The following UGT1A6 variants were observed in gnomAD, a reference collection of about 807,000 sequenced individuals.
UGT1A6 encodes the protein UDP glucuronosyltransferase family 1 member A6.
Under a neutral mutation model 44.4 loss-of-function variants are expected in UGT1A6, and 32 were observed. The observed-to-expected ratio is 0.72, with a 90% confidence interval of 0.54 to 0.97. The LOEUF is 0.97. UGT1A6 is among the 50% of genes least tolerant of loss of function. The pLI is 0.00. For synonymous variants in UGT1A6, 238 were observed against 248.5 expected (o/e 0.96, Z 0.40); for missense variants, 685 against 661.9 (o/e 1.03, Z -0.38).
chr2:233,772,410 C>A lies in UGT1A6; in HGVS notation c.1450C>A (p.Gln484Lys). ...CGCAGCCCACGACCTCACCTGGTAC[C>A]AGTACCATTCCTTGGACGTGATTGG... Reference protein sequence around the residue: ...RPAAHDLTWYQYHSLDVIGFL... With the variant: ...RPAAHDLTWYKYHSLDVIGFL... Residue 484 changes from glutamine to lysine, a missense_variant, in exon 5 of 5, where the codon CAG becomes AAG. Coordinates refer to ENST00000305139, the MANE Select transcript of UGT1A6 (RefSeq NM_001072.4). 1 of 1,614,220 alleles carries A rather than the reference C, an allele frequency of 6.2e-7. No homozygotes were observed. The highest frequency in any genetic ancestry group is 8.5e-7 in the Non-Finnish European group (1 of 1,180,040).
chr2:233,713,112 T>A, intron 1 of UGT1A6: 3 of 1,614,212 alleles, frequency 1.9e-6, no homozygotes, highest in Non-Finnish European at 2.5e-6. Flanking sequence ...TGGCAGCCAC[T>A]GGCTCAGCAT....
chr2:233,735,210 C>T (rs1481104383), intron 1 of UGT1A6, among the ~76,000 whole-genome samples: 2 of 152,078 alleles, frequency 1.3e-5, no homozygotes, highest in Non-Finnish European at 2.9e-5. Context: ...GTATTGGGTG[C>T]ATATATATTT....
At chr2:233,763,105 T>C (rs1443643010) in intron 1 of UGT1A6, among the ~76,000 whole-genome samples, 1 of 152,254 alleles carries the variant, frequency 6.6e-6, no homozygotes, top group Non-Finnish European at 1.5e-5. Context: ...GGCACCGAAC[T>C]TTATCAGCTG....
intron 1 of UGT1A6, among the ~76,000 whole-genome samples, chr2:233,765,992 C>T (rs1575816962): frequency 6.6e-6 from 1 of 152,236 alleles, no homozygotes; most frequent in Middle Eastern, 3.4e-3. Context: ...CCTGAAGCTC[C>T]AGTGGGCGTG....
intron 1 of UGT1A6, among the ~76,000 whole-genome samples, chr2:233,728,342 G>T (rs1241528398): frequency 6.6e-6 from 1 of 152,290 alleles, no homozygotes; most frequent in African/African-American, 2.4e-5. Context: ...CCAGTCCCTT[G>T]GTGAGCAGGA....
intron 1 of UGT1A6, among the ~76,000 whole-genome samples, chr2:233,737,949 C>A (rs965025739): frequency 6.6e-6 from 1 of 151,968 alleles, no homozygotes; most frequent in African/African-American, 2.4e-5. Context: ...GACTGTTTCC[C>A]AACATGAGGT....
chr2:233,705,347 A>G (rs1229673508), intron 1 of UGT1A6, among the ~76,000 whole-genome samples: 4 of 152,194 alleles, frequency 2.6e-5, no homozygotes, highest in African/African-American at 9.6e-5. Flanking sequence ...TTTTTGTCTT[A>G]TTACATGGGG....
intron 1 of UGT1A6, chr2:233,754,896 C>G: frequency 7.4e-7 from 1 of 1,350,638 alleles, no homozygotes; most frequent in Non-Finnish European, 9.9e-7. Flanking sequence ...GTTCCTCTGA[C>G]CCCCCAAAAT....
chr2:233,729,355 C>T (rs144116440), intron 1 of UGT1A6: 167 of 1,614,046 alleles, frequency 1.0e-4, no homozygotes, highest in Non-Finnish European at 4.3e-5. Context: ...CTTTTTCACC[C>T]TGACAACCTA....
chr2:233,760,680 G>A, intron 1 of UGT1A6: 1 of 1,614,136 alleles, frequency 6.2e-7, no homozygotes, highest in Non-Finnish European at 8.5e-7. Flanking sequence ...CCCACTTACT[G>A]CACAACAAGG....
intron 1 of UGT1A6, chr2:233,761,265 G>A (rs1265780323): frequency 1.3e-6 from 2 of 1,595,780 alleles, no homozygotes; most frequent in Non-Finnish European, 8.6e-7. Flanking sequence ...AATTTAAAAT[G>A]CCCTCTTTTG....
At chr2:233,755,921 AT>A (rs1696067229) in intron 1 of UGT1A6, 1 of 146,266 alleles carries the variant, frequency 6.8e-6, no homozygotes, top group Non-Finnish European at 1.5e-5. Context: ...GAAGAGTGGC[AT>A]CGTTTTACAG....
rs146693320 is a variant in UGT1A6 at position 233,769,441 on chromosome 2, G to A, written c.1301+1002G>A. On this transcript the variant is annotated intron_variant, in intron 4 of 4. Transcript: ENST00000305139. The surrounding 1 kb of genome is among the most constrained non-coding windows in gnomAD (Gnocchi z 4.4). The stretch of plus-strand genomic sequence containing the variant: ...TGCATGTGGCTGTGCTCATGTGTGG[G>A]TGCACACGTGTGCATTCATATGCGT... 108 of 1,546,728 alleles carry A rather than the reference G, an allele frequency of 7.0e-5. No individual in the cohort carries two copies. Among genetic ancestry groups the A allele is most frequent in the Non-Finnish European group, 9.1e-5 (102 of 1,123,582 alleles).
At chr2:233,740,343 G>A (rs1691372843) in intron 1 of UGT1A6, among the ~76,000 whole-genome samples, 1 of 151,960 alleles carries the variant, frequency 6.6e-6, no homozygotes, top group African/African-American at 2.4e-5. Flanking sequence ...AAGTTGATGA[G>A]AAAGTGGAAT....
At chr2:233,708,287 G>A (rs2076011328) in intron 1 of UGT1A6, among the ~76,000 whole-genome samples, 1 of 152,124 alleles carries the variant, frequency 6.6e-6, no homozygotes, top group African/African-American at 2.4e-5. Flanking sequence ...ATCATCAAAT[G>A]CTTTCAGTTT....
chr2:233,705,256 A>G (rs995446816), intron 1 of UGT1A6, among the ~76,000 whole-genome samples: 2 of 152,108 alleles, frequency 1.3e-5, no homozygotes, highest in Non-Finnish European at 2.9e-5. Flanking sequence ...AGATTATTCT[A>G]TGGGGTCACT....
At chr2:233,754,500 G>A (rs945598675) in intron 1 of UGT1A6, 52 of 356,130 alleles carry the variant, frequency 1.5e-4, no homozygotes, top group Admixed American at 3.0e-4. Flanking sequence ...AAAAAAGTCC[G>A]CTATTCCTCC....
chr2:233,729,743 C>T (rs748913597), intron 1 of UGT1A6: 1 of 1,613,994 alleles, frequency 6.2e-7, no homozygotes, highest in Non-Finnish European at 8.5e-7. Context: ...GACCACATGA[C>T]ATTCATGCAA....
At chr2:233,724,549 A>G (rs2077280351) in intron 1 of UGT1A6, among the ~76,000 whole-genome samples, 1 of 120,476 alleles carries the variant, frequency 8.3e-6, no homozygotes, top group Non-Finnish European at 1.7e-5. Flanking sequence ...GGCGCTCCTC[A>G]CATCCCAGAT....
Sources: allele counts gnomAD v4.1 joint callset (sites outside exome capture counted in the v4.1 genomes callset), GRCh38; gene constraint gnomAD v4.1.1; non-coding constraint Gnocchi (gnomAD v3.1); transcripts MANE v1.5; gene names NCBI Gene and HGNC (gene_info 2026-07-23, HGNC 2026-07-21).